The following GRID2 variants were observed in gnomAD, a reference collection of about 807,000 sequenced individuals.
The protein encoded by GRID2 is glutamate receptor ionotropic, delta-2.
A neutral mutation model predicts 114.8 loss-of-function variants in GRID2; 33 were observed. That is an observed-to-expected ratio of 0.29 (90% CI 0.22 to 0.38). GRID2 has a LOEUF of 0.38. GRID2 is among the 10% of genes least tolerant of loss of function. The probability of loss-of-function intolerance (pLI) is 1.00; values close to 1 mark genes in which losing one functional copy is unlikely to be tolerated. For synonymous variants in GRID2, 505 were observed against 449.9 expected, an observed-to-expected ratio of 1.12 and a Z score of -1.55; for missense variants, 1,184 against 1,257.7, an observed-to-expected ratio of 0.94 and a Z score of 0.89.
chr4:93,393,382 G>C (rs1339792131), intron 8 of GRID2, among the ~76,000 whole-genome samples: 1 of 151,854 alleles, frequency 6.6e-6, no homozygotes, highest in African/African-American at 2.4e-5. Flanking sequence ...AAGGTGAAAA[G>C]TCTTTGTCAA....
At chr4:93,247,102 G>T (rs1474764874) in intron 8 of GRID2, among the ~76,000 whole-genome samples, 1 of 152,098 alleles carries the variant, frequency 6.6e-6, no homozygotes, top group East Asian at 1.9e-4. Context: ...TGGTGGTTGG[G>T]ATCATGCCAA....
intron 8 of GRID2, among the ~76,000 whole-genome samples, chr4:93,313,822 A>G (rs1756283107): frequency 6.6e-6 from 1 of 152,178 alleles, no homozygotes; most frequent in Non-Finnish European, 1.5e-5. Flanking sequence ...CAGTTTTCAT[A>G]AGGGGGTTGG....
At chr4:92,904,115 T>G (rs1032054435) in intron 2 of GRID2, among the ~76,000 whole-genome samples, 5 of 151,838 alleles carry the variant, frequency 3.3e-5, no homozygotes, top group African/African-American at 1.2e-4. Context: ...CTTTCAACTT[T>G]AAATTTGGTT....
intron 8 of GRID2, among the ~76,000 whole-genome samples, chr4:93,357,430 A>G (rs1246877068): frequency 6.6e-6 from 1 of 151,040 alleles, no homozygotes; most frequent in East Asian, 1.9e-4. Context: ...TTTATTCCCA[A>G]TTTTTTCATT....
At chr4:93,141,694 A>T (rs1349870923) in intron 4 of GRID2, among the ~76,000 whole-genome samples, 1 of 152,210 alleles carries the variant, frequency 6.6e-6, no homozygotes, top group Admixed American at 6.5e-5. Flanking sequence ...GAGGAAATAC[A>T]TTTTTACCTG....
At chr4:93,691,470 A>G (rs976127319) in intron 14 of GRID2, among the ~76,000 whole-genome samples, 4 of 152,088 alleles carry the variant, frequency 2.6e-5, no homozygotes, top group African/African-American at 4.8e-5. Flanking sequence ...AAAAGTGTCC[A>G]GGGTTTTGTT....
At chr4:92,593,179 G>T (rs946759275) in intron 2 of GRID2, among the ~76,000 whole-genome samples, 2 of 151,932 alleles carry the variant, frequency 1.3e-5, no homozygotes, top group African/African-American at 4.8e-5. Context: ...ATTCAAATTT[G>T]AAAGTCTCAT....
At chr4:93,092,826 A>G (rs1194094356) in intron 3 of GRID2, among the ~76,000 whole-genome samples, 1 of 151,772 alleles carries the variant, frequency 6.6e-6, no homozygotes, top group African/African-American at 2.4e-5. Flanking sequence ...CATAATGTGT[A>G]TATATACATA....
At chr4:93,228,536 A>C (rs948088948) in intron 7 of GRID2, among the ~76,000 whole-genome samples, 28 of 152,188 alleles carry the variant, frequency 1.8e-4, no homozygotes, top group African/African-American at 6.5e-4. Flanking sequence ...TTTTAATGAG[A>C]ATTTTGGCTG....
At chr4:93,466,635 A>G (rs1262548370) in intron 11 of GRID2, among the ~76,000 whole-genome samples, 1 of 152,100 alleles carries the variant, frequency 6.6e-6, no homozygotes, top group Admixed American at 6.6e-5. Flanking sequence ...GCAGTGGTAA[A>G]TTGACTTGAC....
chr4:93,012,570 C>G (rs114719772), intron 2 of GRID2, among the ~76,000 whole-genome samples: 2,299 of 152,044 alleles, frequency 0.015, 34 homozygotes, highest in Admixed American at 0.043. Context: ...CAGAGCTGGA[C>G]TCTGGAGTTG....
intron 2 of GRID2, among the ~76,000 whole-genome samples, chr4:92,967,472 C>T (rs1753227518): frequency 6.6e-6 from 1 of 151,466 alleles, no homozygotes; most frequent in African/African-American, 2.4e-5. Flanking sequence ...AGCTCTGTAG[C>T]TTTTATTTAT....
chr4:92,671,276 A>G (rs1403428557), intron 2 of GRID2, among the ~76,000 whole-genome samples: 1 of 152,038 alleles, frequency 6.6e-6, no homozygotes, highest in Non-Finnish European at 1.5e-5. Context: ...CATGAGAACA[A>G]CAAGGGGGAA....
chr4:93,283,346 T>A (rs960686596), intron 8 of GRID2, among the ~76,000 whole-genome samples: 1 of 152,086 alleles, frequency 6.6e-6, no homozygotes, highest in Admixed American at 6.6e-5. Flanking sequence ...GAAACTTGTT[T>A]TCTTTCTGGA....
chr4:93,336,610 G>GGTGTT (rs1396586244), intron 8 of GRID2, among the ~76,000 whole-genome samples: 3 of 152,140 alleles, frequency 2.0e-5, no homozygotes, highest in Non-Finnish European at 2.9e-5. Context: ...AAATTCCCTA[G>GGTGTT]GTGTTGACAA....
chr4:92,568,508 G>A (rs925184986), intron 1 of GRID2, among the ~76,000 whole-genome samples: 2 of 151,924 alleles, frequency 1.3e-5, no homozygotes, highest in Non-Finnish European at 2.9e-5. Flanking sequence ...CGGGAATGAG[G>A]AACTCTACTA....
rs187716407 is a variant in GRID2, at chr4:92,819,369, C to T, written c.244+229083C>T. Among the ~76,000 whole-genome samples the T allele has an allele frequency of 3.7e-4, 56 of 152,002 alleles. No individual in the cohort carries two copies. In the East Asian group the frequency reaches 0.011, roughly 29 times the overall value. On this transcript the variant is annotated intron_variant, in intron 2 of 15. Transcript: ENST00000282020. ...CTCCTGAGTGATTCCAATGTGCAGC[C>T]AGTACTGAGAACCACTGGACTAAAA...
At chr4:92,979,906 G>C (rs1359746161) in intron 2 of GRID2, among the ~76,000 whole-genome samples, 2 of 152,296 alleles carry the variant, frequency 1.3e-5, no homozygotes, top group Admixed American at 6.5e-5. Context: ...ATGGTACTTA[G>C]AGTGGTCAGC....
intron 4 of GRID2, among the ~76,000 whole-genome samples, chr4:93,113,240 A>C (rs1732933654): frequency 6.6e-6 from 1 of 152,200 alleles, no homozygotes; most frequent in South Asian, 2.1e-4. Context: ...TTTTTAAAAA[A>C]TGAACTCATA....
Sources: allele counts gnomAD v4.1 joint callset (sites outside exome capture counted in the v4.1 genomes callset), GRCh38; gene constraint gnomAD v4.1.1; transcripts MANE v1.5; gene names NCBI Gene and HGNC (gene_info 2026-07-23, HGNC 2026-07-21).